Variants in KIRREL3 observed in about 807,000 individuals in gnomAD.
KIRREL3 encodes the protein kin of IRRE-like protein 3.
Under a neutral mutation model 89.7 loss-of-function variants are expected in KIRREL3, and 36 were observed. The ratio of observed to expected loss-of-function variants is 0.40; its 90% confidence interval spans 0.31 to 0.53. The LOEUF (loss-of-function observed/expected upper bound fraction) is 0.53. Among genes scored for constraint, KIRREL3 ranks in the 20% least tolerant of loss-of-function variants. The pLI, the probability that KIRREL3 is intolerant of heterozygous loss-of-function variation, is 0.49. For missense variants in KIRREL3, 864 were observed against 1,056.6 expected (o/e 0.82, Z 2.53); for synonymous variants, 445 against 441.4 (o/e 1.01, Z -0.10).
intron 1 of KIRREL3, among the ~76,000 whole-genome samples, chr11:126,674,484 G>C (rs1946098257): frequency 6.6e-6 from 1 of 152,222 alleles, no homozygotes; most frequent in South Asian, 2.1e-4. Flanking sequence ...TCCCCAGTCA[G>C]ATAGAGCATC....
chr11:126,607,056 C>A lies in KIRREL3; in HGVS notation c.56-44144G>T, dbSNP rs1192532153. 6.6e-6 allele frequency among the ~76,000 whole-genome samples: 1 copy of A among 152,172 alleles called. No individual in the cohort carries two copies. The highest frequency in any genetic ancestry group is 2.4e-5 in the African/African-American group (1 of 41,432). ...ATCCTTATTAAGCAGTTGTTCTCTT[C>A]CAAGGGGCTCTCTCTGGCAGCCAAG... On this transcript the variant is annotated intron_variant, in intron 1 of 16. Transcript: ENST00000525144. This position sits in a 1 kb window ranked among gnomAD's most constrained non-coding sequence, Gnocchi z 6.6.
At position 126,455,632 on chromosome 11, in the gene KIRREL3, C is replaced by CAA. The variant is rs71048789; in HGVS notation, c.848+715_848+716dup. On this transcript the variant is annotated intron_variant, in intron 7 of 16. Coordinates refer to ENST00000525144, the MANE Select transcript of KIRREL3 (RefSeq NM_032531.4). The surrounding 1 kb of genome is among the most constrained non-coding windows in gnomAD (Gnocchi z 6.4). Reference sequence around the variant, plus strand: ...TGAAACGCTGTCTCTACTAAAAATACAAAAAAAAAAAAAAATTAGCTGGCG... The same window carrying CAA: ...TGAAACGCTGTCTCTACTAAAAATACAAAAAAAAAAAAAAAAATTAGCTGGCG... Among the ~76,000 whole-genome samples, 625 of 142,988 alleles carry CAA rather than the reference C, an allele frequency of 4.4e-3. 4 individuals are homozygous for CAA. Among genetic ancestry groups the CAA allele is most frequent in the African/African-American group, 0.015 (590 of 38,338 alleles). 93.8% of individuals were successfully genotyped at this position (142,988 alleles called of 152,430 possible). A position where few individuals can be genotyped will look rare whatever the true frequency, so the allele number is the denominator to read the frequency against.
In KIRREL3 at chr11:126,569,616, C is replaced by T. The variant is rs1940776093; in HGVS notation, c.56-6704G>A. 6.6e-6 allele frequency among the ~76,000 whole-genome samples: 1 copy of T among 152,172 alleles called. No individual in the cohort carries two copies. The highest frequency in any genetic ancestry group is 6.5e-5 in the Admixed American group (1 of 15,280). On this transcript the variant is annotated intron_variant, in intron 1 of 16. Transcript: ENST00000525144. The surrounding 1 kb of genome is among the most constrained non-coding windows in gnomAD (Gnocchi z 6.5). ...AGAAAAGGTAACTAAAAGTCAGAGA[C>T]AGGTAATAGTTCGGTAAAGAAAGTC...
In KIRREL3 at chr11:126,769,176, T is replaced by C. The variant is rs1012103817; in HGVS notation, c.56-206264A>G. ...GTCCCATCTCTGCCAGTCACTGCTT[T>C]CCCTTCCTCCTACGCTTTCAACACA... On this transcript the variant is annotated intron_variant, in intron 1 of 16. Coordinates refer to ENST00000525144, the MANE Select transcript of KIRREL3 (RefSeq NM_032531.4). This position sits in a 1 kb window ranked among gnomAD's most constrained non-coding sequence, Gnocchi z 4.3. Among the ~76,000 whole-genome samples the C allele has an allele frequency of 6.6e-6, 1 of 152,190 alleles. No homozygotes were observed.
rs1949637431 is a variant in KIRREL3, at chr11:126,978,413, C to A, written c.55+22042G>T. 6.6e-6 allele frequency among the ~76,000 whole-genome samples: 1 copy of A among 152,176 alleles called. No homozygotes were observed. The highest frequency in any genetic ancestry group is 1.5e-5 in the Non-Finnish European group (1 of 68,038). On this transcript the variant is annotated intron_variant, in intron 1 of 16. Transcript: ENST00000525144. The surrounding 1 kb of genome is among the most constrained non-coding windows in gnomAD (Gnocchi z 4.2). ...TGCATTCTTTTCTTTGTTAACCCAA[C>A]CCCTGGCAGCAATTATGTCCTAAAG...
rs893862315 is a variant in KIRREL3 at position 126,808,684 on chromosome 11, G to A, written c.55+191771C>T. 1.3e-5 allele frequency among the ~76,000 whole-genome samples: 2 copies of A among 152,092 alleles called. No homozygotes were observed. Among genetic ancestry groups the A allele is most frequent in the Non-Finnish European group, 2.9e-5 (2 of 68,014 alleles). On this transcript the variant is annotated intron_variant, in intron 1 of 16. Coordinates refer to ENST00000525144, the MANE Select transcript of KIRREL3 (RefSeq NM_032531.4). The surrounding 1 kb of genome is among the most constrained non-coding windows in gnomAD (Gnocchi z 4.1). The stretch of plus-strand genomic sequence containing the variant: ...GATTAAATGCTGAATTGTATTTTGG[G>A]GTCTGAGTTTTGTCATGCAAACGAA...
rs1947459858 is a variant in KIRREL3 at position 126,704,814 on chromosome 11, G to T, written c.56-141902C>A. Among the ~76,000 whole-genome samples, 1 of 152,144 alleles carries T rather than the reference G, an allele frequency of 6.6e-6. No individual in the cohort carries two copies. Among genetic ancestry groups the T allele is most frequent in the Non-Finnish European group, 1.5e-5 (1 of 68,032 alleles). ...TCAGAATTGGTGACAAAACAAGCTG[G>T]GGGGCTCCTAAAGGAAGATACTGGG... is the stretch of plus-strand genomic sequence containing the variant. On this transcript the variant is annotated intron_variant, in intron 1 of 16. Coordinates refer to ENST00000525144, the MANE Select transcript of KIRREL3 (RefSeq NM_032531.4). This position sits in a 1 kb window ranked among gnomAD's most constrained non-coding sequence, Gnocchi z 4.2.
At chr11:126,916,341 A>G (rs1947036330) in intron 1 of KIRREL3, among the ~76,000 whole-genome samples, 1 of 152,120 alleles carries the variant, frequency 6.6e-6, no homozygotes, top group Non-Finnish European at 1.5e-5. Flanking sequence ...TAAAACACAA[A>G]TTGCTGAGCC....
intron 1 of KIRREL3, among the ~76,000 whole-genome samples, chr11:126,602,192 G>A (rs1007904874): frequency 6.6e-6 from 1 of 152,172 alleles, no homozygotes; most frequent in Non-Finnish European, 1.5e-5. Flanking sequence ...GCCTACTCTG[G>A]CTGCTCTGAA....
intron 6 of KIRREL3, among the ~76,000 whole-genome samples, chr11:126,457,985 C>T (rs558166610): frequency 2.5e-3 from 381 of 152,316 alleles, no homozygotes; most frequent in Admixed American, 5.3e-3. Context: ...AGGCTGGTGT[C>T]ACCCCTGCTG....
chr11:126,726,116 A>G (rs1201869507), intron 1 of KIRREL3, among the ~76,000 whole-genome samples: 2 of 152,146 alleles, frequency 1.3e-5, no homozygotes, highest in Non-Finnish European at 2.9e-5. Context: ...TGTGTCCCGA[A>G]GTGGGTCTCT....
At position 126,703,294 on chromosome 11, in the gene KIRREL3, C is replaced by T. The variant is rs992089871; in HGVS notation, c.56-140382G>A. ...CAAGGCTTACCATTTGCATGGTCTG[C>T]GGAGGAATGGTGCTCCTGAGAGCTG... On this transcript the variant is annotated intron_variant, in intron 1 of 16. Transcript: ENST00000525144. The surrounding 1 kb of genome is among the most constrained non-coding windows in gnomAD (Gnocchi z 4.6). Among the ~76,000 whole-genome samples the T allele has an allele frequency of 1.1e-4, 16 of 152,200 alleles. No homozygotes were observed. Among genetic ancestry groups the T allele is most frequent in the Non-Finnish European group, 1.5e-4 (10 of 68,034 alleles).
chr11:126,873,329 T>C (rs1945169306), intron 1 of KIRREL3, among the ~76,000 whole-genome samples: 1 of 152,000 alleles, frequency 6.6e-6, no homozygotes, highest in African/African-American at 2.4e-5. Flanking sequence ...CCTTAAAAAA[T>C]AGGTAGAGGG....
intron 1 of KIRREL3, among the ~76,000 whole-genome samples, chr11:126,577,592 C>CAAAA (rs61210940): frequency 2.0e-4 from 23 of 115,942 alleles, no homozygotes; most frequent in African/African-American, 6.7e-4. Context: ...ACTAAAAATA[C>CAAAA]AAAAAAAAAA....
At chr11:126,529,537 A>G (rs1253957133) in intron 2 of KIRREL3, among the ~76,000 whole-genome samples, 2 of 150,724 alleles carry the variant, frequency 1.3e-5, no homozygotes, top group Non-Finnish European at 2.9e-5. Flanking sequence ...AGGATCCCAC[A>G]GGTTGCAGTG....
rs904870063 is a variant in KIRREL3 at position 126,704,090 on chromosome 11, A to G, written c.56-141178T>C. 2.0e-5 allele frequency among the ~76,000 whole-genome samples: 3 copies of G among 152,202 alleles called. No homozygotes were observed. Among genetic ancestry groups the G allele is most frequent in the African/African-American group, 4.8e-5 (2 of 41,446 alleles). On this transcript the variant is annotated intron_variant, in intron 1 of 16. Coordinates refer to ENST00000525144, the MANE Select transcript of KIRREL3 (RefSeq NM_032531.4). This position sits in a 1 kb window ranked among gnomAD's most constrained non-coding sequence, Gnocchi z 4.2. ...CAATTAGATATAACTATATTCACAC[A>G]TAGACACATATTACAACTTGAACTT... is the stretch of plus-strand genomic sequence containing the variant.
At position 126,685,306 on chromosome 11, in the gene KIRREL3, G is replaced by A. The variant is rs1946625641; in HGVS notation, c.56-122394C>T. Reference sequence around the variant, plus strand: ...AACAAAACATAGTCACACAGGGCCTGCCTCACACCCAGCACTGGGTGGGTT... The same window carrying A: ...AACAAAACATAGTCACACAGGGCCTACCTCACACCCAGCACTGGGTGGGTT... On this transcript the variant is annotated intron_variant, in intron 1 of 16. Transcript: ENST00000525144. The surrounding 1 kb of genome is among the most constrained non-coding windows in gnomAD (Gnocchi z 5.5). Among the ~76,000 whole-genome samples the A allele has an allele frequency of 1.3e-5, 2 of 152,130 alleles. No homozygotes were observed. Among genetic ancestry groups the A allele is most frequent in the African/African-American group, 4.8e-5 (2 of 41,418 alleles).
chr11:126,631,913 A>G (rs1179797825), intron 1 of KIRREL3, among the ~76,000 whole-genome samples: 1 of 152,226 alleles, frequency 6.6e-6, no homozygotes, highest in African/African-American at 2.4e-5. Context: ...CACTTTTCTC[A>G]TTGTTACTTT....
At chr11:126,834,552 C>T (rs989790979) in intron 1 of KIRREL3, among the ~76,000 whole-genome samples, 1 of 152,202 alleles carries the variant, frequency 6.6e-6, no homozygotes, top group African/African-American at 2.4e-5. Context: ...AATTAGAAAT[C>T]AGATCACTCA....
Sources: allele counts gnomAD v4.1 joint callset (sites outside exome capture counted in the v4.1 genomes callset), GRCh38; gene constraint gnomAD v4.1.1; non-coding constraint Gnocchi (gnomAD v3.1); transcripts MANE v1.5; gene names NCBI Gene and HGNC (gene_info 2026-07-23, HGNC 2026-07-21).